Variants in USH2A observed in about 807,000 individuals in gnomAD.
USH2A encodes Usher syndrome 2A (autosomal recessive, mild).
In USH2A, 443 loss-of-function variants were observed where a neutral mutation model predicts 538.9. The ratio of observed to expected loss-of-function variants is 0.82; its 90% CI spans 0.76 to 0.89. The LOEUF (loss-of-function observed/expected upper bound fraction) is 0.89, where lower values mean the gene tolerates loss of function less well. USH2A is among the 40% of genes least tolerant of loss of function. The probability of loss-of-function intolerance (pLI) is 0.00; values close to 1 mark genes in which losing one functional copy is unlikely to be tolerated. For synonymous variants in USH2A, 2,413 were observed against 2,273.5 expected, an observed-to-expected ratio of 1.06 and a Z score of -1.75; for missense variants, 6,633 against 6,324.8, an observed-to-expected ratio of 1.05 and a Z score of -1.65.
At chr1:215,945,341 A>G (rs181372805) in intron 37 of USH2A, among the ~76,000 whole-genome samples, 1 of 152,282 alleles carries the variant, frequency 6.6e-6, no homozygotes, top group East Asian at 1.9e-4. Context: ...GATACCTTCA[A>G]AGGCATTTTA....
At chr1:216,001,867 G>T (rs1385745628) in intron 32 of USH2A, among the ~76,000 whole-genome samples, 1 of 152,120 alleles carries the variant, frequency 6.6e-6, no homozygotes, top group Non-Finnish European at 1.5e-5. Flanking sequence ...AGTAAATATG[G>T]TTACCTTAGA....
intron 27 of USH2A, among the ~76,000 whole-genome samples, chr1:216,073,698 T>G (rs1268281037): frequency 6.6e-6 from 1 of 152,230 alleles, no homozygotes; most frequent in Non-Finnish European, 1.5e-5. Context: ...AAGTCAGTTT[T>G]AAGTGCCAAA....
intron 26 of USH2A, among the ~76,000 whole-genome samples, chr1:216,080,848 G>A (rs2031919492): frequency 6.6e-6 from 1 of 151,280 alleles, no homozygotes; most frequent in Admixed American, 6.6e-5. Flanking sequence ...ATCTGGCTTG[G>A]CTCAAATACG....
At chr1:216,400,979 C>T (rs1188318716) in intron 3 of USH2A, among the ~76,000 whole-genome samples, 1 of 151,986 alleles carries the variant, frequency 6.6e-6, no homozygotes, top group Non-Finnish European at 1.5e-5. Flanking sequence ...ATAAAAGCTT[C>T]AGAACTTATA....
At chr1:216,400,626 G>C (rs922060747) in intron 3 of USH2A, among the ~76,000 whole-genome samples, 1 of 152,078 alleles carries the variant, frequency 6.6e-6, no homozygotes, top group African/African-American at 2.4e-5. Flanking sequence ...GGAAACTCAT[G>C]CTAGGGCTTT....
chr1:216,337,779 C>T (rs1269932148), intron 4 of USH2A, among the ~76,000 whole-genome samples: 1 of 151,036 alleles, frequency 6.6e-6, no homozygotes. Context: ...TCAAATAAAT[C>T]TATAGTCAAA....
chr1:216,119,877 G>A (rs2033091803), intron 21 of USH2A, among the ~76,000 whole-genome samples: 2 of 152,092 alleles, frequency 1.3e-5, no homozygotes, highest in Non-Finnish European at 2.9e-5. Flanking sequence ...TAGGTTGAAA[G>A]GAGCTTCTCT....
At chr1:216,151,985 G>A (rs552639930) in intron 21 of USH2A, among the ~76,000 whole-genome samples, 26 of 151,646 alleles carry the variant, frequency 1.7e-4, no homozygotes, top group South Asian at 4.2e-4. Context: ...CATTCTATAC[G>A]ACAAATGTTT....
At chr1:215,999,880 C>A (rs1363151449) in intron 33 of USH2A, among the ~76,000 whole-genome samples, 1 of 152,030 alleles carries the variant, frequency 6.6e-6, no homozygotes, top group East Asian at 1.9e-4. Flanking sequence ...TAAATATGAA[C>A]AAGTATTAAC....
intron 40 of USH2A, among the ~76,000 whole-genome samples, chr1:215,889,780 T>G (rs1665163281): frequency 6.6e-6 from 1 of 152,178 alleles, no homozygotes; most frequent in South Asian, 2.1e-4. Flanking sequence ...GCCCACCATA[T>G]GCCTGCATAG....
intron 34 of USH2A, 51 bp from the exon 35 acceptor site, chr1:215,993,218 C>T: frequency 6.2e-7 from 1 of 1,613,558 alleles, no homozygotes; most frequent in Non-Finnish European, 8.5e-7. Flanking sequence ...CAAAAGTTTT[C>T]ATGAACATTG....
At chr1:216,092,830 T>C (rs1489173464) in intron 22 of USH2A, among the ~76,000 whole-genome samples, 1 of 152,222 alleles carries the variant, frequency 6.6e-6, no homozygotes, top group Non-Finnish European at 1.5e-5. Flanking sequence ...CCATATCTTG[T>C]ATTTTAAAAA....
At chr1:216,180,404 G>A (rs190088823) in intron 20 of USH2A, among the ~76,000 whole-genome samples, 89 of 151,890 alleles carry the variant, frequency 5.9e-4, no homozygotes, top group African/African-American at 2.0e-3. Flanking sequence ...CTATCTATTC[G>A]ATGTATAGAT....
intron 20 of USH2A, among the ~76,000 whole-genome samples, chr1:216,178,358 A>T (rs301750): frequency 0.18 from 27,242 of 152,158 alleles, 2,770 homozygotes; most frequent in Non-Finnish European, 0.23. Context: ...CAAAGATTTC[A>T]TTCTACAAGT....
chr1:216,233,549 G>A (rs2035744674), intron 13 of USH2A, among the ~76,000 whole-genome samples: 1 of 151,872 alleles, frequency 6.6e-6, no homozygotes, highest in Non-Finnish European at 1.5e-5. Context: ...CACATAGTAG[G>A]CATTCCAAAC....
In USH2A at chr1:215,817,120, T is replaced by C; in HGVS notation, c.9447A>G (p.Thr3149=). 1.2e-6 allele frequency: 2 copies of C among 1,612,914 alleles called. No homozygotes were observed. ...IILGYDLLWK[T]WYPCAKTQKL... is the part of the protein sequence containing the mutation. Reference sequence around the variant, plus strand: ...TTTGAGTTTTAGCGCATGGATACCATGTTTTCCATAGGAGATCATATCCAA... The same window carrying C: ...TTTGAGTTTTAGCGCATGGATACCACGTTTTCCATAGGAGATCATATCCAA... The change falls in exon 48 of 72, where the codon ACA becomes ACG. Residue 3149 remains threonine (T), a synonymous_variant. Transcript: ENST00000307340.
rs573249574 is a variant in USH2A, at chr1:216,139,361, T to G, written c.4627+35891A>C. The stretch of plus-strand genomic sequence containing the variant: ...GCTGTTAAAAATCTCGAAGTTATAA[T>G]GGACCCTTGAGTCGCAGCTGACTCA... On this transcript the variant is annotated intron_variant, in intron 21 of 71. Coordinates refer to ENST00000307340, the MANE Select transcript of USH2A (RefSeq NM_206933.4). Among the ~76,000 whole-genome samples the G allele has an allele frequency of 9.3e-4, 141 of 151,152 alleles. 1 individual carries two copies. Among genetic ancestry groups the G allele is most frequent in the Non-Finnish European group, 1.7e-3 (115 of 67,866 alleles).
intron 44 of USH2A, among the ~76,000 whole-genome samples, chr1:215,860,374 C>G (rs1257932603): frequency 1.3e-5 from 2 of 152,192 alleles, no homozygotes; most frequent in South Asian, 2.1e-4. Flanking sequence ...TGGCCCACCC[C>G]CTGCAAGCTA....
At chr1:215,937,668 T>A (rs1666539725) in intron 37 of USH2A, among the ~76,000 whole-genome samples, 1 of 152,088 alleles carries the variant, frequency 6.6e-6, no homozygotes, top group Non-Finnish European at 1.5e-5. Flanking sequence ...TTCAAAAAGG[T>A]CAGCTTGTCC....
Sources: gnomAD v4.1 joint callset for allele counts (sites outside exome capture counted in the v4.1 genomes callset) on GRCh38, gnomAD v4.1.1 for gene constraint, MANE v1.5 for transcripts, NCBI Gene and HGNC (gene_info 2026-07-23, HGNC 2026-07-21) for gene names.